The following NLRP1 variants were observed in gnomAD, a reference collection of about 807,000 sequenced individuals.
NLRP1 encodes the protein NLR family pyrin domain containing 1.
In NLRP1, 94 loss-of-function variants were observed where a neutral mutation model predicts 136.7. The observed-to-expected ratio is 0.69, with a 90% confidence interval of 0.58 to 0.82. The LOEUF (loss-of-function observed/expected upper bound fraction) is 0.82. Among genes scored for constraint, NLRP1 ranks in the 40% least tolerant of loss-of-function variants. The probability of loss-of-function intolerance (pLI) is 0.00; values close to 1 mark genes in which losing one functional copy is unlikely to be tolerated. For synonymous variants in NLRP1, 690 were observed against 725.1 expected, an observed-to-expected ratio of 0.95 and a Z score of 0.78; for missense variants, 1,575 against 1,802.7, an observed-to-expected ratio of 0.87 and a Z score of 2.29.
At position 5,552,084 on chromosome 17, in the gene NLRP1, C is replaced by CTTTTT. The variant is rs71151872; in HGVS notation, c.2528+1297_2528+1301dup. On this transcript the variant is annotated intron_variant, in intron 5 of 16. Transcript: ENST00000572272. ...GCCATCATGTCTGGCTCTATCTTTCCTTTTTTTTTTTTTTTTTTTTTTTTT... is the reference window on the plus strand; with the variant it reads ...GCCATCATGTCTGGCTCTATCTTTCCTTTTTTTTTTTTTTTTTTTTTTTTTTTTTT... Among the ~76,000 whole-genome samples, 6 of 96,668 alleles carry CTTTTT rather than the reference C, an allele frequency of 6.2e-5. 1 individual carries two copies. Among genetic ancestry groups the CTTTTT allele is most frequent in the Non-Finnish European group, 9.2e-5 (5 of 54,370 alleles). 63.4% of individuals were successfully genotyped at this position (96,668 alleles called of 152,430 possible).
intron 5 of NLRP1, among the ~76,000 whole-genome samples, chr17:5,550,921 G>A (rs769626939): frequency 2.6e-5 from 4 of 152,006 alleles, no homozygotes; most frequent in Non-Finnish European, 4.4e-5. Flanking sequence ...AAAGTACAGC[G>A]AGTTCCCATA....
chr17:5,521,710 C>G lies in NLRP1; in HGVS notation c.3597G>C (p.Arg1199Ser). The G allele has an allele frequency of 6.2e-7, 1 of 1,613,460 alleles. No individual in the cohort carries two copies. The highest frequency in any genetic ancestry group is 1.1e-5 in the South Asian group (1 of 91,030). The change falls in exon 13 of 17, where the codon AGG becomes AGC. Residue 1199 changes from arginine (R) to serine (S), a missense_variant. Transcript: ENST00000572272. ...CCAGAACTATGTGATGCAGCTCCAC[C>G]CTGGCTGGCTTCTCCAGGAGCATCC... ...EEGMLLEKPARVELHHIVLEN... is the reference protein window; with the variant it reads ...EEGMLLEKPASVELHHIVLEN...
At chr17:5,551,423 A>C (rs1361325918) in intron 5 of NLRP1, among the ~76,000 whole-genome samples, 1 of 152,222 alleles carries the variant, frequency 6.6e-6, no homozygotes, top group Non-Finnish European at 1.5e-5. Flanking sequence ...TTATGAGTCC[A>C]TTCACTTTCT....
intron 5 of NLRP1, among the ~76,000 whole-genome samples, chr17:5,546,258 G>C (rs1912647123): frequency 6.6e-6 from 1 of 152,216 alleles, no homozygotes; most frequent in Non-Finnish European, 1.5e-5. Flanking sequence ...GATCCAAGGA[G>C]ATCATGTATG....
chr17:5,512,705 C>T (rs1252928935), downstream of NLRP1, among the ~76,000 whole-genome samples: 2 of 100,190 alleles, frequency 2.0e-5, no homozygotes, highest in South Asian at 3.9e-4. Flanking sequence ...CTGTTGTCAC[C>T]GTCTTGACAT....
Position 5,537,427 on chromosome 17 carries a change from T to C in NLRP1, c.2871-487A>G, listed in dbSNP as rs1051598150. On this transcript the variant is annotated intron_variant, in intron 7 of 16. Coordinates refer to ENST00000572272, the MANE Select transcript of NLRP1 (RefSeq NM_033004.4). The surrounding 1 kb of genome is among the most constrained non-coding windows in gnomAD (Gnocchi z 4.5). ...CTGGGTCCTGGGATTTTCTTCCCAGTGGTCGGAAGTTTTGCTGGGAAGAGA... is the reference window on the plus strand; with the variant it reads ...CTGGGTCCTGGGATTTTCTTCCCAGCGGTCGGAAGTTTTGCTGGGAAGAGA... 1.3e-5 allele frequency among the ~76,000 whole-genome samples: 2 copies of C among 152,082 alleles called. No homozygotes were observed. The highest frequency in any genetic ancestry group is 4.8e-5 in the African/African-American group (2 of 41,402).
In NLRP1 at chr17:5,542,890, C is replaced by T. The variant is rs547066656; in HGVS notation, c.2529-863G>A. On this transcript the variant is annotated intron_variant, in intron 5 of 16. Coordinates refer to ENST00000572272, the MANE Select transcript of NLRP1 (RefSeq NM_033004.4). ...TTTCACCCAGGCTGGAGTGCAGTGG[C>T]GTGATCTCGGCTCACTGCAACCTCC... Among the ~76,000 whole-genome samples, 18 of 152,056 alleles carry T rather than the reference C, an allele frequency of 1.2e-4. No homozygotes were observed. In the East Asian group the frequency reaches 1.7e-3, roughly 15 times the overall value.
Position 5,542,004 on chromosome 17 carries a change from G to A in NLRP1, c.2552C>T (p.Ala851Val). 6.2e-7 allele frequency: 1 copy of A among 1,613,736 alleles called. No individual in the cohort carries two copies. The highest frequency in any genetic ancestry group is 8.5e-7 in the Non-Finnish European group (1 of 1,179,876). ...AAAGGCAAGGTCCTTGCAGTCCTCA[G>A]CTGTGAGGCCACAGCCAGCCAACCT... ...TLRLAGCGLT[A>V]EDCKDLAFGL... The change falls in exon 6 of 17, where the codon GCT (alanine) becomes GTT (valine). Residue 851 changes from alanine to valine, a missense_variant. Coordinates refer to ENST00000572272, the MANE Select transcript of NLRP1 (RefSeq NM_033004.4).
chr17:5,538,446 T>C (rs1055626722), intron 7 of NLRP1, among the ~76,000 whole-genome samples: 1 of 152,184 alleles, frequency 6.6e-6, no homozygotes, highest in African/African-American at 2.4e-5. Context: ...CCTGGGTACC[T>C]ATTCCTCCTT....
At position 5,583,826 on chromosome 17, in the gene NLRP1, C is replaced by A; in HGVS notation, c.132G>T (p.Gln44His). ...SRSSSGETPA[Q>H]PEKTSGMEVA... Reference sequence around the variant, plus strand: ...CCTCCATGCCACTCGTCTTCTCTGGCTGAGCGGGTGTCTCACCCGAAGAGC... The same window carrying A: ...CCTCCATGCCACTCGTCTTCTCTGGATGAGCGGGTGTCTCACCCGAAGAGC... The change falls in exon 1 of 17, where the codon CAG (glutamine) becomes CAT (histidine). Residue 44 changes from glutamine (Q) to histidine (H), a missense_variant. Physicochemically the swap from Gln to His is conservative, Grantham distance 24. Coordinates refer to ENST00000572272, the MANE Select transcript of NLRP1 (RefSeq NM_033004.4). The surrounding 1 kb of genome is among the most constrained non-coding windows in gnomAD (Gnocchi z 4.5). 6.4e-7 allele frequency: 1 copy of A among 1,564,510 alleles called. No homozygotes were observed. The highest frequency in any genetic ancestry group is 8.7e-7 in the Non-Finnish European group (1 of 1,153,082).
chr17:5,574,424 A>T (rs1904789468), intron 3 of NLRP1, among the ~76,000 whole-genome samples: 1 of 152,162 alleles, frequency 6.6e-6, no homozygotes, highest in Non-Finnish European at 1.5e-5. Context: ...CTAGCAAGGC[A>T]GGCCAACATT....
intron 12 of NLRP1, among the ~76,000 whole-genome samples, chr17:5,523,618 A>C (rs1432959458): frequency 6.6e-6 from 1 of 152,180 alleles, no homozygotes; most frequent in Non-Finnish European, 1.5e-5. Flanking sequence ...TTGAAGTTAC[A>C]AGAGAGCTTG....
chr17:5,573,015 G>A (rs999204258), intron 3 of NLRP1, among the ~76,000 whole-genome samples: 4 of 152,176 alleles, frequency 2.6e-5, no homozygotes, highest in East Asian at 1.9e-4. Flanking sequence ...AAAGCAGGGC[G>A]AGGCATTGCC....
At chr17:5,578,646 C>T (rs1905256596) in intron 3 of NLRP1, among the ~76,000 whole-genome samples, 1 of 152,210 alleles carries the variant, frequency 6.6e-6, no homozygotes, top group Non-Finnish European at 1.5e-5. Context: ...AATAGGAACA[C>T]TTTTACACTG....
At chr17:5,539,160 C>G (rs2151770153) in intron 7 of NLRP1, among the ~76,000 whole-genome samples, 1 of 152,340 alleles carries the variant, frequency 6.6e-6, no homozygotes, top group Non-Finnish European at 1.5e-5. Flanking sequence ...CGTGAGCCAC[C>G]ACGCCCTGCC....
chr17:5,507,376 GA>G (rs760010509), intron 15 of NLRP1, among the ~76,000 whole-genome samples: 44 of 151,942 alleles, frequency 2.9e-4, no homozygotes, highest in Non-Finnish European at 5.4e-4. Context: ...AAAATCAAAA[GA>G]AAACAAAAAC....
chr17:5,521,975 C>A (rs1256896157), intron 12 of NLRP1, among the ~76,000 whole-genome samples, 189 bp from the exon 13 acceptor site: 3 of 152,224 alleles, frequency 2.0e-5, no homozygotes, highest in South Asian at 2.1e-4. Context: ...CAGGCGCCTG[C>A]CACCATGCCC....
chr17:5,563,001 A>C (rs905623330), intron 3 of NLRP1, among the ~76,000 whole-genome samples: 3 of 152,212 alleles, frequency 2.0e-5, no homozygotes, highest in African/African-American at 7.2e-5. Flanking sequence ...AGGAGTGCTG[A>C]GCTGAGCCTT....
At position 5,530,675 on chromosome 17, in the gene NLRP1, C is replaced by T. The variant is rs532221052; in HGVS notation, c.3326G>A (p.Arg1109His). 20 of 1,614,086 alleles carry T rather than the reference C, an allele frequency of 1.2e-5. No homozygotes were observed. Among genetic ancestry groups the T allele is most frequent in the African/African-American group, 4.0e-5 (3 of 75,050 alleles). ...AAAGCAGAGACCCGTGTTGGGCCAG[C>T]GGTAGGAGCCAGCTACAGGGAAGTG... ...RVHFPVAGSYRWPNTGLCFVM... is the reference protein window; with the variant it reads ...RVHFPVAGSYHWPNTGLCFVM... The change falls in exon 12 of 17, where the codon CGC becomes CAC. Residue 1109 changes from arginine to histidine, a missense_variant. Transcript: ENST00000572272.
Sources: allele counts gnomAD v4.1 joint callset (sites outside exome capture counted in the v4.1 genomes callset), GRCh38; gene constraint gnomAD v4.1.1; non-coding constraint Gnocchi (gnomAD v3.1); transcripts MANE v1.5; gene names NCBI Gene and HGNC (gene_info 2026-07-23, HGNC 2026-07-21).